LTBP3: variants seen among roughly 807,000 people sequenced by gnomAD.
The protein encoded by LTBP3 is latent transforming growth factor beta binding protein 3, also known as latent-transforming growth factor beta-binding protein 3.
LTBP3 carries 97 observed loss-of-function variants against 159.7 expected under a neutral mutation model. The ratio of observed to expected loss-of-function variants is 0.61; its 90% CI spans 0.52 to 0.72. The LOEUF (loss-of-function observed/expected upper bound fraction) is 0.72. Ranked by LOEUF, LTBP3 falls within the 30% of genes least tolerant of loss-of-function variation. LTBP3 has a pLI of 0.00. For synonymous variants in LTBP3, 824 were observed against 777.1 expected, an observed-to-expected ratio of 1.06 and a Z score of -1.00; for missense variants, 1,584 against 1,864.3, an observed-to-expected ratio of 0.85 and a Z score of 2.77.
intron 1 of LTBP3, among the ~76,000 whole-genome samples, chr11:65,555,196 T>C (rs2135162187): frequency 6.6e-6 from 1 of 152,268 alleles, no homozygotes; most frequent in South Asian, 2.1e-4. Context: ...GACCCCTCCT[T>C]GGCTTCCAGC....
chr11:65,549,567 C>CTTTTTTTTTTTTT (rs748132211), intron 11 of LTBP3, among the ~76,000 whole-genome samples: 208 of 64,746 alleles, frequency 3.2e-3, no homozygotes, highest in East Asian at 3.9e-3. Context: ...CCCAGCTAAT[C>CTTTTTTTTTTTTT]TTTTTTTTTT....
Position 65,547,541 on chromosome 11 carries a change from G to A in LTBP3, c.2005C>T (p.Leu669=), listed in dbSNP as rs146554064. The A allele has an allele frequency of 1.4e-5, 23 of 1,614,010 alleles. No individual in the cohort carries two copies. The African/African-American group carries it at 2.5e-4, about 18-fold the overall frequency. Residue 669 remains leucine, a synonymous_variant, in exon 14 of 28, where the codon CTG becomes TTG. Coordinates refer to ENST00000301873, the MANE Select transcript of LTBP3 (RefSeq NM_001130144.3). The surrounding 1 kb of genome is among the most constrained non-coding windows in gnomAD (Gnocchi z 4.6). ...ATGCAGAAGCCGCCGTCGCCGCACA[G>A]GTGGGGCTTGGCGCATTCGTTCAGG... ...VDLNECAKPH[L]CGDGGFCINF...
chr11:65,553,886 C>A lies in LTBP3; in HGVS notation c.679G>T (p.Val227Leu). The A allele has an allele frequency of 2.0e-6, 3 of 1,512,340 alleles. No homozygotes were observed. Among genetic ancestry groups the A allele is most frequent in the South Asian group, 2.4e-5 (2 of 84,736 alleles). The allele number at this position is 1,512,340 out of a possible 1,614,324, so 93.7% of individuals were successfully genotyped here. A position where few individuals can be genotyped will look rare whatever the true frequency, so the allele number is the denominator to read the frequency against. ...ISAEVQAPPPVVNVRVHHPPE... is the reference protein window; with the variant it reads ...ISAEVQAPPPLVNVRVHHPPE... ...GGGTGATGGACGCGCACATTCACCA[C>A]GGGGGGCGGGGCCTGCACTGGGGGC... The change falls in exon 3 of 28, where the codon GTG (valine) becomes TTG (leucine). Residue 227 changes from valine (V) to leucine (L), a missense_variant. Physicochemically the swap from Val to Leu is conservative, Grantham distance 32 (BLOSUM62 1). This residue lies in a region of LTBP3 where 194 missense variants were observed against 198.7 expected (regional missense o/e 0.98). Transcript: ENST00000301873. The surrounding 1 kb of genome is among the most constrained non-coding windows in gnomAD (Gnocchi z 6.5).
Position 65,546,616 on chromosome 11 carries a change from C to T in LTBP3, c.2231-52G>A. The T allele has an allele frequency of 6.3e-7, 1 of 1,596,402 alleles. No homozygotes were observed. ...CTCTGCCCCACCGGAAGGCGGACCG[C>T]GCACCTCGCGGGGGTGTGGGTCTCT... On this transcript the variant is annotated intron_variant, in intron 15 of 27. Coordinates refer to ENST00000301873, the MANE Select transcript of LTBP3 (RefSeq NM_001130144.3). The surrounding 1 kb of genome is among the most constrained non-coding windows in gnomAD (Gnocchi z 4.0).
chr11:65,542,683 G>A (rs983695068), intron 18 of LTBP3: 22 of 307,932 alleles, frequency 7.1e-5, no homozygotes, highest in Non-Finnish European at 2.5e-5. Flanking sequence ...ACCGCCCCCA[G>A]CCTGAGCCAC....
chr11:65,539,555 G>T lies in LTBP3; in HGVS notation c.3621C>A (p.Pro1207=). The change falls in exon 26 of 28, where the codon CCC becomes CCA. Residue 1207 remains proline (P), a synonymous_variant. Transcript: ENST00000301873. ...WDTSPLLLGK[P]PRDEDSSEED... ...CGACCCGGCAGCACTCACCTCTTGG[G>T]GGCTTCCCCAACAGCAGGGGGCTTG... 6.2e-7 allele frequency: 1 copy of T among 1,612,482 alleles called. No individual in the cohort carries two copies. The highest frequency in any genetic ancestry group is 8.5e-7 in the Non-Finnish European group (1 of 1,179,210).
At position 65,539,749 on chromosome 11, in the gene LTBP3, T is replaced by C. The variant is rs1238066451; in HGVS notation, c.3518A>G (p.Gln1173Arg). ...GCCGCGCGGCGGGCACGGTCGGCATTGGGCGCCCCAGCCGCGGCCCTGGCG... is the reference window on the plus strand; with the variant it reads ...GCCGCGCGGCGGGCACGGTCGGCATCGGGCGCCCCAGCCGCGGCCCTGGCG... Reference protein sequence around the residue: ...CCRQGRGWGAQCRPCPPRGAG... With the variant: ...CCRQGRGWGARCRPCPPRGAG... The change falls in exon 25 of 28, where the codon CAA becomes CGA. Residue 1173 changes from glutamine (Q) to arginine (R), a missense_variant. Physicochemically the swap from Gln to Arg is conservative, Grantham distance 43. Coordinates refer to ENST00000301873, the MANE Select transcript of LTBP3 (RefSeq NM_001130144.3). 3 of 1,545,052 alleles carry C rather than the reference T, an allele frequency of 1.9e-6. No homozygotes were observed. The highest frequency in any genetic ancestry group is 1.9e-5 in the Admixed American group (1 of 51,562).
Position 65,540,729 on chromosome 11 carries a change from G to C in LTBP3, c.2978-115C>G. 8 of 1,520,662 alleles carry C rather than the reference G, an allele frequency of 5.3e-6. 1 individual carries two copies. The highest frequency in any genetic ancestry group is 7.2e-6 in the Non-Finnish European group (8 of 1,110,030). 94.2% of individuals were successfully genotyped at this position (1,520,662 alleles called of 1,614,324 possible). On this transcript the variant is annotated intron_variant, in intron 21 of 27. Coordinates refer to ENST00000301873, the MANE Select transcript of LTBP3 (RefSeq NM_001130144.3). Reference sequence around the variant, plus strand: ...GGGCGGGGCCTACAGGAGGGGCGGGGCCTACAGGGCGGGGCCTGCGAGGAA... The same window carrying C: ...GGGCGGGGCCTACAGGAGGGGCGGGCCCTACAGGGCGGGGCCTGCGAGGAA...
In LTBP3 at chr11:65,540,054, C is replaced by T. The variant is rs1180246193; in HGVS notation, c.3344G>A (p.Gly1115Glu). 15 of 1,521,164 alleles carry T rather than the reference C, an allele frequency of 9.9e-6. No individual in the cohort carries two copies. Among genetic ancestry groups the T allele is most frequent in the Non-Finnish European group, 1.3e-5 (15 of 1,140,008 alleles). 94.2% of individuals were successfully genotyped at this position (1,521,164 alleles called of 1,614,324 possible). The change falls in exon 24 of 28, where the codon GGG becomes GAG. Residue 1115 changes from glycine (G) to glutamate (E), a missense_variant. Physicochemically the swap from Gly to Glu is moderately conservative, Grantham distance 98. This residue lies in a region of LTBP3 where 514 missense variants were observed against 530.3 expected (regional missense o/e 0.97). Transcript: ENST00000301873. ...GAGCTGGCAATCGCGGCCGGAGGGCCCGGGCACCCAGGGCGGGCGACACTC... is the reference window on the plus strand; with the variant it reads ...GAGCTGGCAATCGCGGCCGGAGGGCTCGGGCACCCAGGGCGGGCGACACTC... The part of the protein sequence containing the change: ...RCECRPPWVP[G>E]PSGRDCQLPE...
chr11:65,557,391 C>T (rs2135167291), intron 1 of LTBP3, among the ~76,000 whole-genome samples: 1 of 152,196 alleles, frequency 6.6e-6, no homozygotes, highest in South Asian at 2.1e-4. Flanking sequence ...ATTTCCCCAC[C>T]CCTTAGGCCC....
Position 65,538,708 on chromosome 11 carries a change from C to T in LTBP3, c.*372G>A. 3 of 1,171,706 alleles carry T rather than the reference C, an allele frequency of 2.6e-6. No homozygotes were observed. The highest frequency in any genetic ancestry group is 5.2e-5 in the East Asian group (2 of 38,578). The allele number at this position is 1,171,706 out of a possible 1,614,324, so 72.6% of individuals were successfully genotyped here. On this transcript the variant is annotated 3_prime_UTR_variant, in exon 28 of 28. Transcript: ENST00000301873. ...CCACAATAAATTCTATTTCACACCC[C>T]TTGTGCCGGGCTCAGTCTAGCCCCT...
Position 65,540,399 on chromosome 11 carries a change from C to T in LTBP3, c.3107-17G>A, listed in dbSNP as rs756145309. 3.7e-6 allele frequency: 6 copies of T among 1,604,260 alleles called. No homozygotes were observed. Among genetic ancestry groups the T allele is most frequent in the East Asian group, 2.2e-5 (1 of 44,504 alleles). On this transcript the variant is annotated splice_polypyrimidine_tract_variant and intron_variant, in intron 22 of 27. Transcript: ENST00000301873. Reference sequence around the variant, plus strand: ...CGTCCACGTCTGCAGGGAGGAAAAGCGTGGGTAGCAGGGGCAGGCCCGGGA... The same window carrying T: ...CGTCCACGTCTGCAGGGAGGAAAAGTGTGGGTAGCAGGGGCAGGCCCGGGA...
In LTBP3 at chr11:65,538,667, G is replaced by A. The variant is rs1043598432; in HGVS notation, c.*413C>T. 19 of 1,351,612 alleles carry A rather than the reference G, an allele frequency of 1.4e-5. No individual in the cohort carries two copies. The highest frequency in any genetic ancestry group is 1.9e-4 in the Middle Eastern group (1 of 5,296). 83.7% of individuals were successfully genotyped at this position (1,351,612 alleles called of 1,614,324 possible). A position where few individuals can be genotyped will look rare whatever the true frequency, so the allele number is the denominator to read the frequency against. On this transcript the variant is annotated 3_prime_UTR_variant, in exon 28 of 28. Transcript: ENST00000301873. ...GGCCGGCCCAGCCAGGCCATCTCAC[G>A]TGTACATAATCAGAGCCACAATAAA...
Position 65,553,748 on chromosome 11 carries a change from G to C in LTBP3, c.817C>G (p.Gln273Glu). 6.3e-7 allele frequency: 1 copy of C among 1,577,944 alleles called. No individual in the cohort carries two copies. The highest frequency in any genetic ancestry group is 1.3e-5 in the African/African-American group (1 of 74,480). The change falls in exon 3 of 28, where the codon CAG (glutamine) becomes GAG (glutamate). Residue 273 changes from glutamine (Q) to glutamate (E), a missense_variant. By Grantham distance (29) the Gln-to-Glu change is conservative. This residue lies in a region of LTBP3 where 194 missense variants were observed against 198.7 expected (regional missense o/e 0.98). Transcript: ENST00000301873. The surrounding 1 kb of genome is among the most constrained non-coding windows in gnomAD (Gnocchi z 6.5). ...TGAAAGCAGCGGCCCAGGGGCTTCT[G>C]GGTGGGCGGCCGGGGGTGCGAGGGC... Reference protein sequence around the residue: ...PKPSHPRPPTQKPLGRCFQDT... With the variant: ...PKPSHPRPPTEKPLGRCFQDT...
chr11:65,546,282 GTGCCTTCC>G lies in LTBP3; in HGVS notation c.2353+152_2353+159del. ...CCCTTCCTACGTGGAAATTCTAGTGGTGCCTTCCTTGGCAAAGTTCGTTGAGAAAATGA... is the reference window on the plus strand; with the variant it reads ...CCCTTCCTACGTGGAAATTCTAGTGGTTGGCAAAGTTCGTTGAGAAAATGA... On this transcript the variant is annotated intron_variant, in intron 16 of 27. Coordinates refer to ENST00000301873, the MANE Select transcript of LTBP3 (RefSeq NM_001130144.3). This position sits in a 1 kb window ranked among gnomAD's most constrained non-coding sequence, Gnocchi z 4.0. 1.1e-6 allele frequency: 1 copy of G among 922,732 alleles called. No individual in the cohort carries two copies. Among genetic ancestry groups the G allele is most frequent in the Non-Finnish European group, 1.6e-6 (1 of 642,852 alleles). The allele number at this position is 922,732 out of a possible 1,614,324, so 57.2% of individuals were successfully genotyped here.
rs376793487 is a variant in LTBP3, at chr11:65,553,413, C to T, written c.970+12G>A. 1.9e-6 allele frequency: 3 copies of T among 1,608,524 alleles called. No individual in the cohort carries two copies. The highest frequency in any genetic ancestry group is 2.5e-6 in the Non-Finnish European group (3 of 1,177,008). On this transcript the variant is annotated intron_variant, in intron 4 of 27. Transcript: ENST00000301873. The surrounding 1 kb of genome is among the most constrained non-coding windows in gnomAD (Gnocchi z 6.5). The stretch of plus-strand genomic sequence containing the variant: ...ACCAGATAGGGAACGCCCCCTGAGC[C>T]CAAGCACTCACACTGCAGCTGGGGA...
Position 65,538,925 on chromosome 11 carries a change from C to A in LTBP3, c.*155G>T. 2 of 1,283,792 alleles carry A rather than the reference C, an allele frequency of 1.6e-6. No individual in the cohort carries two copies. The highest frequency in any genetic ancestry group is 6.2e-5 in the East Asian group (2 of 32,250). 79.5% of individuals were successfully genotyped at this position (1,283,792 alleles called of 1,614,324 possible). ...ACCGCCCGCTAACCGGGGAGGGGGG[C>A]CGGTAGGGGCGCCTCGGGTCTCAAG... On this transcript the variant is annotated 3_prime_UTR_variant, in exon 28 of 28. Transcript: ENST00000301873.
intron 21 of LTBP3, 120 bp downstream of exon 21, chr11:65,540,750 AG>A: frequency 9.6e-7 from 1 of 1,040,012 alleles, no homozygotes; most frequent in East Asian, 3.0e-5. Context: ...GGGGCCTGCG[AG>A]GAAGGTGCGG....
intron 11 of LTBP3, chr11:65,548,837 C>G (rs911196891): frequency 6.6e-6 from 1 of 152,330 alleles, no homozygotes; most frequent in Admixed American, 6.5e-5. Context: ...TCCTTAACAG[C>G]CCCTCCTTTG....
Sources: allele counts gnomAD v4.1 joint callset (sites outside exome capture counted in the v4.1 genomes callset), GRCh38; gene constraint gnomAD v4.1.1; regional missense constraint gnomAD v4.1.1; non-coding constraint Gnocchi (gnomAD v3.1); transcripts MANE v1.5; gene names NCBI Gene and HGNC (gene_info 2026-07-23, HGNC 2026-07-21).